Variants in MANBA observed in about 807,000 individuals in gnomAD.
MANBA encodes mannosidase beta, also known as beta-mannosidase.
In MANBA, 83 loss-of-function variants were observed where a neutral mutation model predicts 111.1. That is an observed-to-expected ratio of 0.75 (90% confidence interval 0.63 to 0.90). The LOEUF is 0.90. Among genes scored for constraint, MANBA ranks in the 40% least tolerant of loss-of-function variants. The pLI is 0.00. For synonymous variants in MANBA, 370 were observed against 378.7 expected, an observed-to-expected ratio of 0.98 and a Z score of 0.27; for missense variants, 1,036 against 1,069.0, an observed-to-expected ratio of 0.97 and a Z score of 0.43.
chr4:102,659,347 T>C (rs1730815537), intron 11 of MANBA, among the ~76,000 whole-genome samples: 1 of 152,214 alleles, frequency 6.6e-6, no homozygotes, highest in Non-Finnish European at 1.5e-5. Flanking sequence ...GAGATAGACT[T>C]CCAGAAAATA....
In MANBA at chr4:102,631,744, A is replaced by T. The variant is rs190877072; in HGVS notation, c.*313T>A. The T allele has an allele frequency of 1.8e-6, 1 of 569,948 alleles. No homozygotes were observed. Among genetic ancestry groups the T allele is most frequent in the East Asian group, 2.8e-5 (1 of 35,622 alleles). 35.3% of individuals were successfully genotyped at this position (569,948 alleles called of 1,614,324 possible). The stretch of plus-strand genomic sequence containing the variant: ...AGATCCTGCCATGTCACATTCTTGT[A>T]ACCAGCTGCAGGGCCATCTTGTTAT... On this transcript the variant is annotated 3_prime_UTR_variant, in exon 17 of 17. Coordinates refer to ENST00000647097, the MANE Select transcript of MANBA (RefSeq NM_005908.4).
At chr4:102,635,587 C>T (rs1363545122) in intron 15 of MANBA, among the ~76,000 whole-genome samples, 2 of 152,154 alleles carry the variant, frequency 1.3e-5, no homozygotes, top group African/African-American at 4.8e-5. Flanking sequence ...CACATTATAG[C>T]ATATGTGATT....
rs1352192411 is a variant in MANBA at position 102,650,556 on chromosome 4, T to G, written c.1850A>C (p.Asp617Ala). Residue 617 changes from aspartate (D) to alanine (A), a missense_variant, in exon 13 of 17, where the codon GAT becomes GCT. Transcript: ENST00000647097. ...ACTTACCTGAGTAAGGTAGATGGTA[T>G]CTTTAAATGTGCGTAATGGATCTGT... ...QSTDPLRTFKDTIYLTQVMQA... is the reference protein window; with the variant it reads ...QSTDPLRTFKATIYLTQVMQA... The G allele has an allele frequency of 3.1e-6, 5 of 1,613,012 alleles. No individual in the cohort carries two copies. Among genetic ancestry groups the G allele is most frequent in the Non-Finnish European group, 4.2e-6 (5 of 1,179,138 alleles).
chr4:102,681,125 G>A (rs1731960056), intron 7 of MANBA, among the ~76,000 whole-genome samples: 1 of 152,076 alleles, frequency 6.6e-6, no homozygotes, highest in African/African-American at 2.4e-5. Context: ...AACATGGCAG[G>A]CTGTGTTGCA....
At chr4:102,700,678 T>A (rs1732987121) in intron 5 of MANBA, among the ~76,000 whole-genome samples, 1 of 152,184 alleles carries the variant, frequency 6.6e-6, no homozygotes, top group Non-Finnish European at 1.5e-5. Flanking sequence ...TTTGAGTGAG[T>A]TTCTTAATTC....
chr4:102,692,023 A>C (rs1578907336), intron 5 of MANBA, among the ~76,000 whole-genome samples: 1 of 152,306 alleles, frequency 6.6e-6, no homozygotes, highest in East Asian at 1.9e-4. Context: ...GGTCCAAATG[A>C]CACTGGGTCT....
intron 5 of MANBA, among the ~76,000 whole-genome samples, chr4:102,703,300 C>A (rs889783313): frequency 1.3e-5 from 2 of 152,150 alleles, no homozygotes; most frequent in African/African-American, 4.8e-5. Context: ...GAAATCAGAC[C>A]TAATCTACTC....
intron 1 of MANBA, among the ~76,000 whole-genome samples, chr4:102,737,300 C>G (rs116182354): frequency 3.4e-3 from 516 of 152,218 alleles, no homozygotes; most frequent in African/African-American, 0.012. Context: ...GGGGTGAGGC[C>G]TGAGAGCCAT....
At chr4:102,732,685 T>C (rs1435704507) in intron 1 of MANBA, among the ~76,000 whole-genome samples, 1 of 152,238 alleles carries the variant, frequency 6.6e-6, no homozygotes, top group Non-Finnish European at 1.5e-5. Flanking sequence ...GGTTTTGTTC[T>C]GTTAAATGCC....
chr4:102,698,135 T>C (rs991564125), intron 5 of MANBA, among the ~76,000 whole-genome samples: 38 of 152,332 alleles, frequency 2.5e-4, no homozygotes, highest in Non-Finnish European at 4.4e-4. Context: ...TTCATGTTTT[T>C]TGGCTGCATA....
At chr4:102,642,102 C>T (rs1469318101) in intron 13 of MANBA, among the ~76,000 whole-genome samples, 1 of 151,806 alleles carries the variant, frequency 6.6e-6, no homozygotes, top group African/African-American at 2.4e-5. Flanking sequence ...GGCTATTGCC[C>T]ACTAAACTTC....
At chr4:102,653,389 T>G (rs1388616456) in intron 12 of MANBA, among the ~76,000 whole-genome samples, 1 of 152,188 alleles carries the variant, frequency 6.6e-6, no homozygotes, top group Non-Finnish European at 1.5e-5. Flanking sequence ...CCAGTTCTGT[T>G]TATTCCAAAG....
chr4:102,756,132 C>G lies in MANBA; in HGVS notation c.177+4586G>C, dbSNP rs552508726. ...AGCCATCCCATCACTGGGTATATACCCAAAGTATTATAAATCATGCTACTA... is the reference window on the plus strand; with the variant it reads ...AGCCATCCCATCACTGGGTATATACGCAAAGTATTATAAATCATGCTACTA... On this transcript the variant is annotated intron_variant, in intron 1 of 16. Coordinates refer to ENST00000647097, the MANE Select transcript of MANBA (RefSeq NM_005908.4). 4.6e-5 allele frequency among the ~76,000 whole-genome samples: 7 copies of G among 152,208 alleles called. No individual in the cohort carries two copies. In the East Asian group the frequency reaches 1.4e-3, roughly 29 times the overall value.
intron 7 of MANBA, chr4:102,679,804 A>G (rs1298982273): frequency 6.6e-6 from 1 of 152,192 alleles, no homozygotes; most frequent in Non-Finnish European, 1.5e-5. Flanking sequence ...TATTAAACAT[A>G]ATAAGTTTGG....
intron 12 of MANBA, among the ~76,000 whole-genome samples, chr4:102,651,568 A>G (rs1372528699): frequency 6.6e-6 from 1 of 152,172 alleles, no homozygotes; most frequent in East Asian, 1.9e-4. Context: ...AATTCAAGTT[A>G]CACAGACTTT....
At position 102,656,185 on chromosome 4, in the gene MANBA, T is replaced by A. The variant is rs192412516; in HGVS notation, c.1704+1497A>T. 7.7e-4 allele frequency among the ~76,000 whole-genome samples: 117 copies of A among 151,642 alleles called. 1 individual carries two copies. The highest frequency in any genetic ancestry group is 3.4e-3 in the Middle Eastern group (1 of 294). ...AGGAGGATTGCTTCAGCCTGAGAGG[T>A]CAAATCTGCAGTGAGCCGTGACCAC... On this transcript the variant is annotated intron_variant, in intron 12 of 16. Transcript: ENST00000647097.
chr4:102,653,169 T>C (rs1449918664), intron 12 of MANBA, among the ~76,000 whole-genome samples: 1 of 151,654 alleles, frequency 6.6e-6, no homozygotes, highest in Non-Finnish European at 1.5e-5. Flanking sequence ...TTCAATGTAT[T>C]AGTTAACTTA....
chr4:102,668,736 A>C (rs1731342025), intron 10 of MANBA: 1 of 503,828 alleles, frequency 2.0e-6, no homozygotes. Flanking sequence ...AGAAAGAGGA[A>C]TTCAGCAGAG....
chr4:102,741,583 T>G (rs549215578), intron 1 of MANBA, among the ~76,000 whole-genome samples: 2 of 152,314 alleles, frequency 1.3e-5, no homozygotes, highest in East Asian at 3.9e-4. Context: ...GTGGTATATG[T>G]TATACATAAT....
Sources: gnomAD v4.1 joint callset for allele counts (sites outside exome capture counted in the v4.1 genomes callset) on GRCh38, gnomAD v4.1.1 for gene constraint, MANE v1.5 for transcripts, NCBI Gene and HGNC (gene_info 2026-07-23, HGNC 2026-07-21) for gene names.